The following UBE2E2 variants were observed in gnomAD, a reference collection of about 807,000 sequenced individuals.
The protein encoded by UBE2E2 is ubiquitin conjugating enzyme E2 E2, also known as ubiquitin-conjugating enzyme E2 E2.
Under a neutral mutation model 24.7 loss-of-function variants are expected in UBE2E2, and 6 were observed. The ratio of observed to expected loss-of-function variants is 0.24; its 90% confidence interval spans 0.13 to 0.48. The LOEUF is 0.48. Among genes scored for constraint, UBE2E2 ranks in the 20% least tolerant of loss-of-function variants. The pLI is 0.99. For missense variants in UBE2E2, 169 were observed against 245.0 expected (o/e 0.69, Z 2.07); for synonymous variants, 104 against 83.6 (o/e 1.24, Z -1.33).
At chr3:23,522,302 G>A (rs780996349) in intron 4 of UBE2E2, among the ~76,000 whole-genome samples, 8 of 151,794 alleles carry the variant, frequency 5.3e-5, no homozygotes, top group South Asian at 2.1e-4. Context: ...GGCTAATTTT[G>A]TGCATTTTTA....
Position 23,564,250 on chromosome 3 carries a change from A to G in UBE2E2, c.509-25484A>G, listed in dbSNP as rs987744070. The stretch of plus-strand genomic sequence containing the variant: ...CCCACCCCAAAATACAGCTCTGGAC[A>G]TATGCATGATCAATATGCAAATATA... On this transcript the variant is annotated intron_variant, in intron 5 of 5. Transcript: ENST00000396703. Among the ~76,000 whole-genome samples, 6 of 152,234 alleles carry G rather than the reference A, an allele frequency of 3.9e-5. 1 individual carries two copies. The highest frequency in any genetic ancestry group is 4.2e-4 in the South Asian group (2 of 4,818).
At position 23,407,141 on chromosome 3, in the gene UBE2E2, T is replaced by C. The variant is rs1391212800; in HGVS notation, c.228-92467T>C. 6.6e-6 allele frequency among the ~76,000 whole-genome samples: 1 copy of C among 152,178 alleles called. No individual in the cohort carries two copies. Among genetic ancestry groups the C allele is most frequent in the East Asian group, 1.9e-4 (1 of 5,204 alleles). On this transcript the variant is annotated intron_variant, in intron 3 of 5. Coordinates refer to ENST00000396703, the MANE Select transcript of UBE2E2 (RefSeq NM_152653.4). This position sits in a 1 kb window ranked among gnomAD's most constrained non-coding sequence, Gnocchi z 4.0. ...CTCCAAAGATGTCATCAAGAAGGTA[T>C]AGTCTCCCTTTTTCTCTTGAGAACC...
chr3:23,239,532 G>T (rs1214492146), intron 3 of UBE2E2, among the ~76,000 whole-genome samples: 1 of 152,134 alleles, frequency 6.6e-6, no homozygotes, highest in African/African-American at 2.4e-5. Context: ...ATCATACAAG[G>T]TGTGGCCTTT....
At chr3:23,415,308 AG>A (rs2125385365) in intron 3 of UBE2E2, among the ~76,000 whole-genome samples, 1 of 152,278 alleles carries the variant, frequency 6.6e-6, no homozygotes, top group East Asian at 1.9e-4. Context: ...AATCCTAACT[AG>A]GTCCTTCCAG....
chr3:23,258,914 A>G (rs886558815), intron 3 of UBE2E2, among the ~76,000 whole-genome samples: 8 of 151,098 alleles, frequency 5.3e-5, no homozygotes, highest in African/African-American at 1.9e-4. Flanking sequence ...AAAAAAAAAA[A>G]AAAAAAAAAA....
chr3:23,561,407 T>C (rs950422852), intron 5 of UBE2E2, among the ~76,000 whole-genome samples: 11 of 151,944 alleles, frequency 7.2e-5, no homozygotes, highest in African/African-American at 4.8e-5. Flanking sequence ...TTTCTGAGGG[T>C]TCTGTTCTGT....
intron 3 of UBE2E2, among the ~76,000 whole-genome samples, chr3:23,408,609 T>C (rs1697424496): frequency 6.6e-6 from 1 of 152,154 alleles, no homozygotes; most frequent in Non-Finnish European, 1.5e-5. Context: ...GACCTGAATT[T>C]GAAGTGAACT....
At chr3:23,346,104 C>A (rs1695547266) in intron 3 of UBE2E2, among the ~76,000 whole-genome samples, 1 of 152,122 alleles carries the variant, frequency 6.6e-6, no homozygotes, top group Non-Finnish European at 1.5e-5. Context: ...CTAGTTTTCG[C>A]CTTTCTTAAA....
chr3:23,333,733 G>A (rs1695128826), intron 3 of UBE2E2, among the ~76,000 whole-genome samples: 1 of 152,002 alleles, frequency 6.6e-6, no homozygotes, highest in Non-Finnish European at 1.5e-5. Context: ...AGTTCGCAGT[G>A]TAGAAAATAT....
intron 3 of UBE2E2, among the ~76,000 whole-genome samples, chr3:23,437,509 A>G (rs1698209122): frequency 6.6e-6 from 1 of 152,240 alleles, no homozygotes; most frequent in Non-Finnish European, 1.5e-5. Context: ...TCTGGCATAT[A>G]GTGATTGCTC....
At chr3:23,582,747 G>A (rs894502321) in intron 5 of UBE2E2, among the ~76,000 whole-genome samples, 5 of 151,770 alleles carry the variant, frequency 3.3e-5, no homozygotes, top group South Asian at 2.1e-4. Flanking sequence ...AATGGGGTTC[G>A]TTTTTTGCTT....
chr3:23,583,300 G>A lies in UBE2E2; in HGVS notation c.509-6434G>A, dbSNP rs548334956. On this transcript the variant is annotated intron_variant, in intron 5 of 5. Coordinates refer to ENST00000396703, the MANE Select transcript of UBE2E2 (RefSeq NM_152653.4). The surrounding 1 kb of genome is among the most constrained non-coding windows in gnomAD (Gnocchi z 4.1). ...TCCACTAGTCTATGTGTCTGTTTTT[G>A]TACCAGTATCATGCTGTTTTGGTTA... Among the ~76,000 whole-genome samples, 133 of 152,118 alleles carry A rather than the reference G, an allele frequency of 8.7e-4. No individual in the cohort carries two copies. The highest frequency in any genetic ancestry group is 2.9e-3 in the African/African-American group (121 of 41,488).
intron 4 of UBE2E2, among the ~76,000 whole-genome samples, chr3:23,522,388 T>A (rs1342002278): frequency 1.3e-5 from 2 of 152,196 alleles, no homozygotes; most frequent in Non-Finnish European, 1.5e-5. Context: ...CGCCTCGGCC[T>A]TCCAAAGTGC....
rs1372296881 is a variant in UBE2E2, at chr3:23,301,609, C to G, written c.227+84297C>G. Among the ~76,000 whole-genome samples, 4 of 152,204 alleles carry G rather than the reference C, an allele frequency of 2.6e-5. No individual in the cohort carries two copies. The East Asian group carries it at 7.7e-4, about 29-fold the overall frequency. ...CTGCAGAACAGTGCATATTGATGAA[C>G]CACAGATGCTGCTGTCTGATCGTTC... On this transcript the variant is annotated intron_variant, in intron 3 of 5. Transcript: ENST00000396703.
chr3:23,372,132 A>G (rs1011201880), intron 3 of UBE2E2, among the ~76,000 whole-genome samples: 1 of 152,164 alleles, frequency 6.6e-6, no homozygotes, highest in Non-Finnish European at 1.5e-5. Context: ...AACAAAAAAG[A>G]AAAAAGTCAT....
chr3:23,372,067 G>A (rs112683254), intron 3 of UBE2E2, among the ~76,000 whole-genome samples: 6,763 of 152,054 alleles, frequency 0.044, 519 homozygotes, highest in African/African-American at 0.15. Flanking sequence ...GCAGTGAGCC[G>A]AGATCACGCC....
intron 3 of UBE2E2, among the ~76,000 whole-genome samples, chr3:23,336,043 A>G (rs901685061): frequency 7.9e-5 from 12 of 152,162 alleles, no homozygotes; most frequent in African/African-American, 2.9e-4. Flanking sequence ...TTTTTATGAT[A>G]CCTGCTGTGC....
chr3:23,231,381 A>G (rs1696969865), intron 3 of UBE2E2, among the ~76,000 whole-genome samples: 1 of 152,152 alleles, frequency 6.6e-6, no homozygotes, highest in Non-Finnish European at 1.5e-5. Context: ...AGGCTATAGG[A>G]AGAACATGAA....
chr3:23,464,962 A>C (rs1302711370), intron 3 of UBE2E2, among the ~76,000 whole-genome samples: 1 of 152,208 alleles, frequency 6.6e-6, no homozygotes, highest in Non-Finnish European at 1.5e-5. Flanking sequence ...ATCTTCGAAG[A>C]GTATTTACCC....
Sources: gnomAD v4.1 joint callset for allele counts (sites outside exome capture counted in the v4.1 genomes callset) on GRCh38, gnomAD v4.1.1 for gene constraint, Gnocchi (gnomAD v3.1) non-coding constraint, MANE v1.5 for transcripts, NCBI Gene and HGNC (gene_info 2026-07-23, HGNC 2026-07-21) for gene names.